Variants in EYA2 observed in about 807,000 individuals in gnomAD.
EYA2 encodes EYA transcriptional coactivator and phosphatase 2.
A neutral mutation model predicts 69.2 loss-of-function variants in EYA2; 31 were observed. The ratio of observed to expected loss-of-function variants is 0.45; its 90% CI spans 0.34 to 0.60. EYA2 has a LOEUF of 0.60. EYA2 is among the 20% of genes least tolerant of loss of function. EYA2 has a pLI of 0.02. For synonymous variants in EYA2, 257 were observed against 279.4 expected, an observed-to-expected ratio of 0.92 and a Z score of 0.80; for missense variants, 622 against 701.2, an observed-to-expected ratio of 0.89 and a Z score of 1.28.
intron 5 of EYA2, among the ~76,000 whole-genome samples, chr20:47,020,838 A>G (rs996246666): frequency 6.6e-6 from 1 of 152,244 alleles, no homozygotes; most frequent in Non-Finnish European, 1.5e-5. Context: ...ACCACAGATG[A>G]GATCCATAAA....
intron 5 of EYA2, among the ~76,000 whole-genome samples, chr20:47,021,119 G>A (rs531048578): frequency 2.6e-5 from 4 of 152,094 alleles, no homozygotes; most frequent in South Asian, 2.1e-4. Flanking sequence ...ACAAACTAAC[G>A]CTCTCTAAAC....
At chr20:47,123,397 G>A (rs185548751) in intron 9 of EYA2, among the ~76,000 whole-genome samples, 15 of 152,000 alleles carry the variant, frequency 9.9e-5, no homozygotes, top group Non-Finnish European at 1.2e-4. Context: ...CCAGGTCCAC[G>A]CACGTTTATG....
chr20:47,109,945 G>A (rs1210245389), intron 9 of EYA2, among the ~76,000 whole-genome samples: 1 of 152,166 alleles, frequency 6.6e-6, no homozygotes, highest in Non-Finnish European at 1.5e-5. Context: ...GCATCTGACC[G>A]CTGCATAGTC....
chr20:47,033,099 A>G (rs1175294678), intron 5 of EYA2, among the ~76,000 whole-genome samples: 1 of 152,190 alleles, frequency 6.6e-6, no homozygotes, highest in Non-Finnish European at 1.5e-5. Context: ...CCCCAAGACC[A>G]TAGCTCAGGG....
intron 7 of EYA2, among the ~76,000 whole-genome samples, chr20:47,084,749 T>C (rs1364469400): frequency 6.6e-6 from 1 of 151,854 alleles, no homozygotes; most frequent in Non-Finnish European, 1.5e-5. Context: ...TACCAAGGGC[T>C]GGCAAGGATG....
intron 2 of EYA2, among the ~76,000 whole-genome samples, chr20:46,994,803 A>G (rs969216771): frequency 6.6e-6 from 1 of 152,078 alleles, no homozygotes; most frequent in African/African-American, 2.4e-5. Context: ...TCCACAGGTA[A>G]AGAGCTTCCA....
At chr20:47,086,266 A>G (rs931858938) in intron 7 of EYA2, among the ~76,000 whole-genome samples, 2 of 152,198 alleles carry the variant, frequency 1.3e-5, no homozygotes, top group African/African-American at 4.8e-5. Context: ...CAGGCAGATC[A>G]CTTAAGGTCA....
chr20:47,089,021 G>A (rs566217358), intron 7 of EYA2, among the ~76,000 whole-genome samples: 78 of 152,282 alleles, frequency 5.1e-4, no homozygotes, highest in Non-Finnish European at 1.1e-3. Flanking sequence ...AGCAGTGCCC[G>A]CTGACCAAGT....
intron 1 of EYA2, among the ~76,000 whole-genome samples, chr20:46,984,440 A>G (rs1981050662): frequency 6.6e-6 from 1 of 152,224 alleles, no homozygotes; most frequent in African/African-American, 2.4e-5. Flanking sequence ...ATCTGAACAG[A>G]CAATTTCCAA....
intron 10 of EYA2, among the ~76,000 whole-genome samples, chr20:47,151,001 TC>T (rs1445659939): frequency 6.6e-6 from 1 of 152,016 alleles, no homozygotes; most frequent in Admixed American, 6.5e-5. Flanking sequence ...GGCAGTCTCA[TC>T]CTGACACCTT....
intron 1 of EYA2, among the ~76,000 whole-genome samples, chr20:46,931,513 T>C (rs1316180211): frequency 2.0e-5 from 3 of 152,222 alleles, no homozygotes; most frequent in Non-Finnish European, 4.4e-5. Context: ...AAAATGGAAC[T>C]AATGATTATA....
At chr20:46,903,494 G>A (rs960760300) in intron 1 of EYA2, among the ~76,000 whole-genome samples, 9 of 152,170 alleles carry the variant, frequency 5.9e-5, no homozygotes, top group Non-Finnish European at 1.3e-4. Context: ...CCAAACCTCA[G>A]CCTGGGTACT....
intron 5 of EYA2, among the ~76,000 whole-genome samples, chr20:47,057,242 C>G (rs975188595): frequency 2.6e-5 from 4 of 152,128 alleles, no homozygotes; most frequent in Non-Finnish European, 5.9e-5. Context: ...AATGAATGAG[C>G]AGCTGAGTGA....
At position 47,097,090 on chromosome 20, in the gene EYA2, G is replaced by C; in HGVS notation, c.810G>C (p.Val270=). The C allele has an allele frequency of 6.2e-7, 1 of 1,609,436 alleles. No individual in the cohort carries two copies. The highest frequency in any genetic ancestry group is 1.7e-5 in the Admixed American group (1 of 59,168). Residue 270 remains valine (V), a synonymous_variant, in exon 9 of 16, where the codon GTG becomes GTC. Transcript: ENST00000327619. ...CTTCCTCTCTTTCATCACAGCGTGTGTTCGTGTGGGACTTGGATGAGACAA... is the reference window on the plus strand; with the variant it reads ...CTTCCTCTCTTTCATCACAGCGTGTCTTCGTGTGGGACTTGGATGAGACAA... The part of the protein sequence containing the change: ...SPAGDNEIER[V]FVWDLDETII...
At chr20:46,932,106 G>C (rs1176915405) in intron 1 of EYA2, among the ~76,000 whole-genome samples, 1 of 151,618 alleles carries the variant, frequency 6.6e-6, no homozygotes, top group Non-Finnish European at 1.5e-5. Flanking sequence ...TAAGTCGTTT[G>C]TTTTTCATTT....
intron 1 of EYA2, among the ~76,000 whole-genome samples, chr20:46,895,516 G>C (rs914193641): frequency 3.9e-5 from 6 of 152,224 alleles, no homozygotes; most frequent in Non-Finnish European, 8.8e-5. Context: ...TCAAAAGTCC[G>C]TTTGCGCTCG....
chr20:47,091,717 C>G (rs1380172348), intron 8 of EYA2, among the ~76,000 whole-genome samples: 3 of 152,036 alleles, frequency 2.0e-5, no homozygotes, highest in African/African-American at 7.3e-5. Flanking sequence ...TGCACTCCAG[C>G]CTGGGCGACA....
chr20:47,026,733 G>C (rs1984108735), intron 5 of EYA2, among the ~76,000 whole-genome samples: 1 of 152,148 alleles, frequency 6.6e-6, no homozygotes, highest in South Asian at 2.1e-4. Context: ...GGGAGTGGTG[G>C]GAACTGTAGC....
intron 5 of EYA2, among the ~76,000 whole-genome samples, chr20:47,066,525 C>T (rs2031114608): frequency 6.6e-6 from 1 of 152,110 alleles, no homozygotes; most frequent in Admixed American, 6.6e-5. Context: ...TTCTAGTCTG[C>T]AAACGTGATG....
Sources: gnomAD v4.1 joint callset for allele counts (sites outside exome capture counted in the v4.1 genomes callset) on GRCh38, gnomAD v4.1.1 for gene constraint, MANE v1.5 for transcripts, NCBI Gene and HGNC (gene_info 2026-07-23, HGNC 2026-07-21) for gene names.